Variants in ECT2L observed in about 807,000 individuals in gnomAD.
The protein encoded by ECT2L is epithelial cell transforming 2 like.
Under a neutral mutation model 122.8 loss-of-function variants are expected in ECT2L, and 126 were observed. The ratio of observed to expected loss-of-function variants is 1.03; its 90% CI spans 0.89 to 1.19. ECT2L has a LOEUF of 1.19. Ranked by LOEUF, ECT2L falls within the 50% of genes most tolerant of loss-of-function variation. The pLI is 0.00. For missense variants in ECT2L, 1,012 were observed against 1,064.1 expected (o/e 0.95, Z 0.68); for synonymous variants, 385 against 381.8 (o/e 1.01, Z -0.10).
chr6:138,851,505 T>A (rs1212662), intron 9 of ECT2L, among the ~76,000 whole-genome samples: 4 of 129,804 alleles, frequency 3.1e-5, no homozygotes, highest in East Asian at 2.3e-4. Context: ...TTTTTTTTTT[T>A]AAATAGTAGC....
chr6:138,844,290 G>A (rs1414709189), intron 6 of ECT2L, 122 bp from the exon 7 acceptor site: 2 of 1,157,828 alleles, frequency 1.7e-6, no homozygotes, highest in Non-Finnish European at 2.4e-6. Context: ...GAAAATGGCT[G>A]TAATTATTGT....
chr6:138,807,571 C>T (rs1422761040), intron 1 of ECT2L, among the ~76,000 whole-genome samples: 2 of 152,196 alleles, frequency 1.3e-5, no homozygotes, highest in African/African-American at 4.8e-5. Flanking sequence ...GCTTCCCAGT[C>T]CCAAAGCCAG....
chr6:138,800,575 TAATTC>T (rs1775508610), intron 1 of ECT2L, among the ~76,000 whole-genome samples: 1 of 152,236 alleles, frequency 6.6e-6, no homozygotes, highest in African/African-American at 2.4e-5. Flanking sequence ...AATCTACATT[TAATTC>T]AATTCTAAGC....
At chr6:138,877,809 C>G (rs1778504934) in intron 14 of ECT2L, among the ~76,000 whole-genome samples, 1 of 152,076 alleles carries the variant, frequency 6.6e-6, no homozygotes, top group Admixed American at 6.6e-5. Context: ...GGTGGCTACT[C>G]TGGTGGCTGA....
intron 4 of ECT2L, among the ~76,000 whole-genome samples, chr6:138,815,574 C>T (rs1776040792): frequency 2.6e-5 from 4 of 152,182 alleles, no homozygotes; most frequent in African/African-American, 7.2e-5. Flanking sequence ...ATTTCTGAAA[C>T]ATTGTCCTTT....
rs546603965 is a variant in ECT2L, at chr6:138,812,676, G to A, written c.-243-162G>A. On this transcript the variant is annotated intron_variant, in intron 1 of 21. Transcript: ENST00000541398. ...AAAAATTAGCCAGGCATGGTGGTGC[G>A]CACCTGTAATCCCAGCTACTCCAGA... Among the ~76,000 whole-genome samples, 63 of 152,152 alleles carry A rather than the reference G, an allele frequency of 4.1e-4. 1 individual carries two copies. In the South Asian group the frequency reaches 0.012, roughly 28 times the overall value.
intron 20 of ECT2L, among the ~76,000 whole-genome samples, chr6:138,897,570 G>C (rs1779259866): frequency 1.3e-5 from 2 of 152,124 alleles, no homozygotes; most frequent in Non-Finnish European, 1.5e-5. Context: ...TAAACTTTTA[G>C]AGTTTTTGGT....
rs748228059 is a variant in ECT2L, at chr6:138,808,729, C to CT, written c.-243-4094dup. Among the ~76,000 whole-genome samples the CT allele has an allele frequency of 6.4e-3, 594 of 92,536 alleles. 3 individuals carry two copies. Among genetic ancestry groups the CT allele is most frequent in the East Asian group, 0.019 (46 of 2,454 alleles). The allele number at this position is 92,536 out of a possible 152,430, so 60.7% of individuals were successfully genotyped here. On this transcript the variant is annotated intron_variant, in intron 1 of 21. Transcript: ENST00000541398. ...AATTTAATTTTTTCCTTTCTCTTTT[C>CT]TTTTTTTTTTTTTTTGAGACAGTGT...
chr6:138,844,262 A>G lies in ECT2L; in HGVS notation c.596-150A>G, dbSNP rs561449875. 2.1e-5 allele frequency: 18 copies of G among 860,362 alleles called. No homozygotes were observed. The East Asian group carries it at 4.6e-4, about 22-fold the overall frequency. The allele number at this position is 860,362 out of a possible 1,614,324, so 53.3% of individuals were successfully genotyped here. A position where few individuals can be genotyped will look rare whatever the true frequency, so the allele number is the denominator to read the frequency against. Reference sequence around the variant, plus strand: ...CAGCCACAGTGCCAAGAGGATGAGAAATCCAAACCGAGTGCATGAAAATGG... The same window carrying G: ...CAGCCACAGTGCCAAGAGGATGAGAGATCCAAACCGAGTGCATGAAAATGG... On this transcript the variant is annotated intron_variant, in intron 6 of 21. Transcript: ENST00000541398.
chr6:138,852,641 G>A (rs571147033), intron 9 of ECT2L, among the ~76,000 whole-genome samples: 23 of 152,268 alleles, frequency 1.5e-4, no homozygotes, highest in Admixed American at 9.2e-4. Flanking sequence ...TGGCAGAAAC[G>A]AATTGACGTT....
intron 9 of ECT2L, among the ~76,000 whole-genome samples, chr6:138,851,691 G>C (rs1446398270): frequency 6.6e-6 from 1 of 151,850 alleles, no homozygotes; most frequent in African/African-American, 2.4e-5. Flanking sequence ...TCACTGTTGA[G>C]TTATAGTTCA....
At chr6:138,891,593 C>T (rs2128411786) in intron 20 of ECT2L, among the ~76,000 whole-genome samples, 1 of 152,218 alleles carries the variant, frequency 6.6e-6, no homozygotes, top group Admixed American at 6.6e-5. Flanking sequence ...TTGAATCCCC[C>T]CCATGACCTG....
intron 20 of ECT2L, among the ~76,000 whole-genome samples, chr6:138,890,481 TTTTC>T (rs1258777492): frequency 7.0e-6 from 1 of 142,426 alleles, no homozygotes; most frequent in African/African-American, 2.5e-5. Context: ...GACATTTTTG[TTTTC>T]TTTGATCTTT....
chr6:138,855,722 G>GATGT (rs1215740232), intron 10 of ECT2L, among the ~76,000 whole-genome samples: 2 of 152,096 alleles, frequency 1.3e-5, no homozygotes, highest in East Asian at 3.9e-4. Flanking sequence ...GATTTGGAAG[G>GATGT]ATGTATACCA....
rs758566165 is a variant in ECT2L, at chr6:138,854,011, A to G, written c.1070-15A>G. The G allele has an allele frequency of 1.2e-6, 2 of 1,610,450 alleles. No individual in the cohort carries two copies. Among genetic ancestry groups the G allele is most frequent in the Non-Finnish European group, 8.5e-7 (1 of 1,177,956 alleles). On this transcript the variant is annotated splice_polypyrimidine_tract_variant and intron_variant, in intron 9 of 21. Transcript: ENST00000541398. ...TGTTACAAGCTAATATGACATTTTG[A>G]TTTTTTTTCCTCAGGCTATAAAATT...
intron 12 of ECT2L, among the ~76,000 whole-genome samples, chr6:138,867,254 C>T (rs989832232): frequency 2.6e-5 from 4 of 152,130 alleles, no homozygotes; most frequent in Non-Finnish European, 4.4e-5. Context: ...TCAGCTTTGC[C>T]GGAGTGGGCA....
intron 16 of ECT2L, among the ~76,000 whole-genome samples, chr6:138,883,428 C>T (rs1156941551): frequency 2.0e-5 from 3 of 152,162 alleles, no homozygotes; most frequent in Non-Finnish European, 2.9e-5. Context: ...GTGGGGATAC[C>T]TTCTTATGGG....
chr6:138,890,061 G>C (rs958094479), intron 20 of ECT2L, among the ~76,000 whole-genome samples: 8 of 152,056 alleles, frequency 5.3e-5, no homozygotes, highest in Admixed American at 1.3e-4. Context: ...TCATTTACAA[G>C]AACAGGTGTG....
intron 1 of ECT2L, among the ~76,000 whole-genome samples, chr6:138,800,326 A>G (rs1362779300): frequency 6.6e-6 from 1 of 152,250 alleles, no homozygotes; most frequent in Non-Finnish European, 1.5e-5. Flanking sequence ...TTCATGGCAC[A>G]GTATTTTAGC....
Sources: allele counts gnomAD v4.1 joint callset (sites outside exome capture counted in the v4.1 genomes callset), GRCh38; gene constraint gnomAD v4.1.1; transcripts MANE v1.5; gene names NCBI Gene and HGNC (gene_info 2026-07-23, HGNC 2026-07-21).